Variants in SUFU observed in about 807,000 individuals in gnomAD.
SUFU encodes the protein suppressor of fused homolog.
In SUFU, 7 loss-of-function variants were observed where a neutral mutation model predicts 58.9. That is an observed-to-expected ratio of 0.12 (90% CI 0.07 to 0.22). The LOEUF (loss-of-function observed/expected upper bound fraction) is 0.22. SUFU is among the 10% of genes least tolerant of loss of function. SUFU has a pLI of 1.00. For missense variants in SUFU, 451 were observed against 641.3 expected, an observed-to-expected ratio of 0.70 and a Z score of 3.20; for synonymous variants, 232 against 254.8, an observed-to-expected ratio of 0.91 and a Z score of 0.85.
At position 102,619,397 on chromosome 10, in the gene SUFU, G is replaced by A; in HGVS notation, c.1296+1969G>A. 1 of 1,382,304 alleles carries A rather than the reference G, an allele frequency of 7.2e-7. No homozygotes were observed. Among genetic ancestry groups the A allele is most frequent in the Non-Finnish European group, 9.4e-7 (1 of 1,067,182 alleles). The allele number at this position is 1,382,304 out of a possible 1,614,324, so 85.6% of individuals were successfully genotyped here. Reference sequence around the variant, plus strand: ...ATGGGCTGTTGCCCAGGGAACCGGGGCGCGGTGGGAACGAGCTGCTGGCCT... The same window carrying A: ...ATGGGCTGTTGCCCAGGGAACCGGGACGCGGTGGGAACGAGCTGCTGGCCT... On this transcript the variant is annotated intron_variant, in intron 10 of 11. Transcript: ENST00000369902. This position sits in a 1 kb window ranked among gnomAD's most constrained non-coding sequence, Gnocchi z 4.2.
At chr10:102,580,824 T>C (rs899655788) in intron 3 of SUFU, among the ~76,000 whole-genome samples, 1 of 152,054 alleles carries the variant, frequency 6.6e-6, no homozygotes, top group African/African-American at 2.4e-5. Flanking sequence ...CCTAAAACTT[T>C]GTAGGCTTTT....
chr10:102,619,350 C>G lies in SUFU; in HGVS notation c.1296+1922C>G. 7.0e-7 allele frequency: 1 copy of G among 1,420,638 alleles called. No individual in the cohort carries two copies. The highest frequency in any genetic ancestry group is 9.2e-7 in the Non-Finnish European group (1 of 1,089,958). 88.0% of individuals were successfully genotyped at this position (1,420,638 alleles called of 1,614,324 possible). ...GCCTGAGGCCCAGCACCCGCTGGCTCCCCAGCACATGGTCCCCTCCCATGG... is the reference window on the plus strand; with the variant it reads ...GCCTGAGGCCCAGCACCCGCTGGCTGCCCAGCACATGGTCCCCTCCCATGG... On this transcript the variant is annotated intron_variant, in intron 10 of 11. Transcript: ENST00000369902. The surrounding 1 kb of genome is among the most constrained non-coding windows in gnomAD (Gnocchi z 4.2).
intron 2 of SUFU, among the ~76,000 whole-genome samples, chr10:102,549,202 A>G (rs922365225): frequency 1.3e-5 from 2 of 152,196 alleles, no homozygotes; most frequent in African/African-American, 2.4e-5. Context: ...CCATTCTCAC[A>G]CTGATATAAA....
At chr10:102,528,849 G>A (rs1168092572) in intron 2 of SUFU, among the ~76,000 whole-genome samples, 1 of 152,106 alleles carries the variant, frequency 6.6e-6, no homozygotes, top group East Asian at 1.9e-4. Flanking sequence ...CGCAAAGAAA[G>A]CTTCTATAAC....
chr10:102,582,438 C>T (rs886228384), intron 3 of SUFU, among the ~76,000 whole-genome samples: 1 of 152,054 alleles, frequency 6.6e-6, no homozygotes, highest in Non-Finnish European at 1.5e-5. Flanking sequence ...ATTTTGCTAA[C>T]TTATTATATC....
intron 8 of SUFU, among the ~76,000 whole-genome samples, chr10:102,605,462 A>T (rs564388717): frequency 2.6e-5 from 4 of 152,136 alleles, no homozygotes; most frequent in African/African-American, 9.6e-5. Context: ...AACCGTGATC[A>T]CACCACTGCA....
chr10:102,566,764 C>CA (rs1213985884), intron 3 of SUFU, among the ~76,000 whole-genome samples: 156 of 73,514 alleles, frequency 2.1e-3, no homozygotes, highest in African/African-American at 2.8e-3. Context: ...GACTCTGTCT[C>CA]AAAAAAAAAA....
Position 102,517,744 on chromosome 10 carries a change from A to G in SUFU, c.317+8441A>G, listed in dbSNP as rs2062490205. ...TGTGTCTGGTGGGATCTTATCCTCT[A>G]TGACCTCAGCCCTGAGGAATGGTAT... is the stretch of plus-strand genomic sequence containing the variant. On this transcript the variant is annotated intron_variant, in intron 2 of 11. Transcript: ENST00000369902. Among the ~76,000 whole-genome samples the G allele has an allele frequency of 1.3e-5, 2 of 152,254 alleles. 1 individual carries two copies. The highest frequency in any genetic ancestry group is 4.1e-4 in the South Asian group (2 of 4,826).
chr10:102,588,144 C>T (rs1052988429), intron 3 of SUFU, among the ~76,000 whole-genome samples: 5 of 152,136 alleles, frequency 3.3e-5, no homozygotes, highest in African/African-American at 4.8e-5. Context: ...CGCCTGTAAT[C>T]CCAGCACTTT....
At chr10:102,606,375 G>C (rs1332984993) in intron 8 of SUFU, among the ~76,000 whole-genome samples, 1 of 152,184 alleles carries the variant, frequency 6.6e-6, no homozygotes, top group Non-Finnish European at 1.5e-5. Flanking sequence ...GGAATCCTGG[G>C]CTGGTCCTCG....
At chr10:102,572,247 T>G (rs1428436798) in intron 3 of SUFU, among the ~76,000 whole-genome samples, 1 of 123,704 alleles carries the variant, frequency 8.1e-6, no homozygotes, top group Non-Finnish European at 1.7e-5. Flanking sequence ...TTTTTTTTTT[T>G]GTAATTTTAG....
chr10:102,519,725 T>A (rs1004416287), intron 2 of SUFU, among the ~76,000 whole-genome samples: 1 of 152,138 alleles, frequency 6.6e-6, no homozygotes, highest in African/African-American at 2.4e-5. Context: ...TCATTTAAAA[T>A]TTTTTAAATT....
At chr10:102,562,042 T>C (rs1390153973) in intron 3 of SUFU, among the ~76,000 whole-genome samples, 1 of 152,158 alleles carries the variant, frequency 6.6e-6, no homozygotes, top group Non-Finnish European at 1.5e-5. Flanking sequence ...GTCTCTGAAG[T>C]TGGAAGTGCT....
chr10:102,543,430 T>C (rs896735764), intron 2 of SUFU, among the ~76,000 whole-genome samples: 2 of 152,232 alleles, frequency 1.3e-5, no homozygotes, highest in African/African-American at 2.4e-5. Flanking sequence ...TTTATTGATA[T>C]AATTAATGTA....
intron 3 of SUFU, among the ~76,000 whole-genome samples, chr10:102,567,827 A>G (rs3862030): frequency 0.45 from 68,844 of 151,784 alleles, 16,007 homozygotes; most frequent in East Asian, 0.67. Flanking sequence ...GGCAGGGAAC[A>G]CATCTCTGGG....
Position 102,629,967 on chromosome 10 carries a change from C to A in SUFU, c.1366-99C>A. ...CCACGCCTCCCGCGGCCTGTCCTATCCCTAGCTCCCCGGGGACAGGCCTGG... is the reference window on the plus strand; with the variant it reads ...CCACGCCTCCCGCGGCCTGTCCTATACCTAGCTCCCCGGGGACAGGCCTGG... On this transcript the variant is annotated intron_variant, in intron 11 of 11. Coordinates refer to ENST00000369902, the MANE Select transcript of SUFU (RefSeq NM_016169.4). The surrounding 1 kb of genome is among the most constrained non-coding windows in gnomAD (Gnocchi z 4.7). The A allele has an allele frequency of 8.8e-7, 1 of 1,135,396 alleles. No individual in the cohort carries two copies. The highest frequency in any genetic ancestry group is 1.3e-6 in the Non-Finnish European group (1 of 743,506). 70.3% of individuals were successfully genotyped at this position (1,135,396 alleles called of 1,614,324 possible).
At chr10:102,526,052 C>T (rs889302066) in intron 2 of SUFU, among the ~76,000 whole-genome samples, 1 of 150,466 alleles carries the variant, frequency 6.6e-6, no homozygotes, top group Admixed American at 6.6e-5. Context: ...GGCTATTATG[C>T]ACTATGCCAG....
chr10:102,627,986 C>G (rs1292747614), intron 11 of SUFU, among the ~76,000 whole-genome samples: 1 of 152,200 alleles, frequency 6.6e-6, no homozygotes. Flanking sequence ...CCCCAGTGCC[C>G]CATGGGTTAG....
intron 3 of SUFU, among the ~76,000 whole-genome samples, chr10:102,558,121 C>T (rs535713102): frequency 6.6e-6 from 1 of 152,218 alleles, no homozygotes; most frequent in South Asian, 2.1e-4. Flanking sequence ...AGGCTGGTCT[C>T]GAACTCCTGA....
Sources: gnomAD v4.1 joint callset for allele counts (sites outside exome capture counted in the v4.1 genomes callset) on GRCh38, gnomAD v4.1.1 for gene constraint, Gnocchi (gnomAD v3.1) non-coding constraint, MANE v1.5 for transcripts, NCBI Gene and HGNC (gene_info 2026-07-23, HGNC 2026-07-21) for gene names.